The following TMEM163 variants were observed in gnomAD, a reference collection of about 807,000 sequenced individuals.
TMEM163 encodes transmembrane protein 163.
In TMEM163, 17 loss-of-function variants were observed where a neutral mutation model predicts 29.3. The ratio of observed to expected loss-of-function variants is 0.58; its 90% CI spans 0.40 to 0.87. The LOEUF is 0.87. TMEM163 is among the 40% of genes least tolerant of loss of function. The probability of loss-of-function intolerance (pLI) is 0.00; values close to 1 mark genes in which losing one functional copy is unlikely to be tolerated. For missense variants in TMEM163, 303 were observed against 381.5 expected (o/e 0.79, Z 1.71); for synonymous variants, 157 against 160.6 (o/e 0.98, Z 0.17).
chr2:134,578,994 A>G (rs1391439044), intron 2 of TMEM163, among the ~76,000 whole-genome samples: 2 of 152,148 alleles, frequency 1.3e-5, no homozygotes, highest in Non-Finnish European at 2.9e-5. Flanking sequence ...AAGGAAGTAG[A>G]TGGTTCAGTT....
At chr2:134,687,377 C>T (rs1452365633) in intron 2 of TMEM163, among the ~76,000 whole-genome samples, 1 of 152,150 alleles carries the variant, frequency 6.6e-6, no homozygotes, top group Non-Finnish European at 1.5e-5. Context: ...TTTTTGTGAT[C>T]AACTTTAGCA....
chr2:134,553,579 C>T lies in TMEM163; in HGVS notation c.323-1488G>A, dbSNP rs573533558. Among the ~76,000 whole-genome samples the T allele has an allele frequency of 1.2e-4, 19 of 152,258 alleles. No homozygotes were observed. The South Asian group carries it at 3.5e-3, about 28-fold the overall frequency. On this transcript the variant is annotated intron_variant, in intron 2 of 7. Coordinates refer to ENST00000281924, the MANE Select transcript of TMEM163 (RefSeq NM_030923.5). ...CTGGGGAGAGTGAACCACTGGTGTC[C>T]GAGCGTTTCCAGACCCTTCCTGAAA...
At chr2:134,554,571 G>T (rs1047013218) in intron 2 of TMEM163, among the ~76,000 whole-genome samples, 3 of 152,052 alleles carry the variant, frequency 2.0e-5, no homozygotes, top group Admixed American at 1.3e-4. Flanking sequence ...TGGCAGAAGA[G>T]CACCTGCCTC....
At chr2:134,594,851 G>GTCTCTC (rs70973456) in intron 2 of TMEM163, among the ~76,000 whole-genome samples, 19 of 147,956 alleles carry the variant, frequency 1.3e-4, no homozygotes, top group African/African-American at 4.0e-4. Context: ...GAGACCTTGA[G>GTCTCTC]TCTCTCTCTC....
chr2:134,553,503 T>A (rs1052811653), intron 2 of TMEM163, among the ~76,000 whole-genome samples: 1 of 152,148 alleles, frequency 6.6e-6, no homozygotes, highest in Non-Finnish European at 1.5e-5. Flanking sequence ...TCGGCCACCG[T>A]TTGCCATAAA....
chr2:134,621,650 G>C (rs771881589), intron 2 of TMEM163, among the ~76,000 whole-genome samples: 4 of 151,868 alleles, frequency 2.6e-5, no homozygotes, highest in Non-Finnish European at 5.9e-5. Flanking sequence ...CAGCACTTTG[G>C]GAGGCTGAGG....
chr2:134,518,949 CACAG>C (rs1340386356), intron 4 of TMEM163, among the ~76,000 whole-genome samples: 8 of 152,154 alleles, frequency 5.3e-5, no homozygotes, highest in Non-Finnish European at 8.8e-5. Context: ...TGGGAGATAA[CACAG>C]ACAAACTCAG....
At chr2:134,561,096 G>A (rs1424761327) in intron 2 of TMEM163, among the ~76,000 whole-genome samples, 5 of 152,236 alleles carry the variant, frequency 3.3e-5, no homozygotes, top group East Asian at 1.9e-4. Context: ...TTTATGGGCC[G>A]TCTCCGCCGT....
rs1681525422 is a variant in TMEM163 at position 134,575,199 on chromosome 2, AC to A, written c.323-23109del. Among the ~76,000 whole-genome samples, 12 of 152,182 alleles carry A rather than the reference AC, an allele frequency of 7.9e-5. No homozygotes were observed. In the South Asian group the frequency reaches 2.5e-3, roughly 32 times the overall value. On this transcript the variant is annotated intron_variant, in intron 2 of 7. Coordinates refer to ENST00000281924, the MANE Select transcript of TMEM163 (RefSeq NM_030923.5). The stretch of plus-strand genomic sequence containing the variant: ...ATCGAGAGGAAGTAAGTGACCACAA[AC>A]CACAGGTACTGAGAGCTGGGAATAA...
At chr2:134,484,877 G>A (rs553535642) in intron 5 of TMEM163, among the ~76,000 whole-genome samples, 58 of 152,334 alleles carry the variant, frequency 3.8e-4, no homozygotes, top group African/African-American at 1.3e-3. Flanking sequence ...ACTTAGAGGT[G>A]TGGAGGTTGA....
intron 4 of TMEM163, among the ~76,000 whole-genome samples, chr2:134,547,339 G>A (rs1680815269): frequency 6.6e-6 from 1 of 152,056 alleles, no homozygotes; most frequent in South Asian, 2.1e-4. Context: ...TCCACAGTAG[G>A]GATACACAGT....
chr2:134,462,507 G>A lies in TMEM163; in HGVS notation c.667+3607C>T, dbSNP rs367940350. Among the ~76,000 whole-genome samples, 60 of 152,172 alleles carry A rather than the reference G, an allele frequency of 3.9e-4. No homozygotes were observed. The South Asian group carries it at 0.011, about 28-fold the overall frequency. On this transcript the variant is annotated intron_variant, in intron 6 of 7. Coordinates refer to ENST00000281924, the MANE Select transcript of TMEM163 (RefSeq NM_030923.5). The stretch of plus-strand genomic sequence containing the variant: ...CCCCTTCCTCACTCGGACTCCCTCC[G>A]CCTGAAGGACGGCTCTTCCCCACTC...
chr2:134,691,763 CT>C (rs200048888), intron 2 of TMEM163, among the ~76,000 whole-genome samples: 1,678 of 152,328 alleles, frequency 0.011, 41 homozygotes, highest in African/African-American at 0.039. Flanking sequence ...TAAACACCAA[CT>C]CCAATGAACA....
intron 6 of TMEM163, among the ~76,000 whole-genome samples, chr2:134,465,231 TAC>T (rs1307397417): frequency 1.2e-4 from 11 of 92,276 alleles, no homozygotes; most frequent in African/African-American, 8.4e-4. Flanking sequence ...TATATATATA[TAC>T]ACACACACAT....
Position 134,687,692 on chromosome 2 carries a change from C to T in TMEM163, c.322+25508G>A, listed in dbSNP as rs189387585. Among the ~76,000 whole-genome samples the T allele has an allele frequency of 1.6e-3, 248 of 152,290 alleles. 1 individual carries two copies. Among genetic ancestry groups the T allele is most frequent in the African/African-American group, 5.8e-3 (239 of 41,560 alleles). On this transcript the variant is annotated intron_variant, in intron 2 of 7. Coordinates refer to ENST00000281924, the MANE Select transcript of TMEM163 (RefSeq NM_030923.5). ...AGGTTAATTCATTATAAATCACATACTGTGACCAGCACCCTACTTAGATAC... is the reference window on the plus strand; with the variant it reads ...AGGTTAATTCATTATAAATCACATATTGTGACCAGCACCCTACTTAGATAC...
intron 2 of TMEM163, among the ~76,000 whole-genome samples, chr2:134,611,322 A>G (rs953379890): frequency 1.4e-4 from 21 of 152,350 alleles, no homozygotes; most frequent in African/African-American, 3.8e-4. Context: ...TTAGTAAAAC[A>G]GGGAAATATA....
chr2:134,637,641 G>C (rs1011113280), intron 2 of TMEM163, among the ~76,000 whole-genome samples: 1 of 152,150 alleles, frequency 6.6e-6, no homozygotes, highest in Non-Finnish European at 1.5e-5. Context: ...AGGGGTAGGA[G>C]GTGCTCCTGA....
chr2:134,564,534 A>G (rs986268083), intron 2 of TMEM163, among the ~76,000 whole-genome samples: 2 of 152,206 alleles, frequency 1.3e-5, no homozygotes, highest in Non-Finnish European at 2.9e-5. Context: ...CGTAAACTGA[A>G]CTACATTAAA....
At chr2:134,509,992 T>C (rs1027406802) in intron 4 of TMEM163, among the ~76,000 whole-genome samples, 3 of 152,018 alleles carry the variant, frequency 2.0e-5, no homozygotes, top group African/African-American at 7.2e-5. Flanking sequence ...GAGTTCAAAA[T>C]GGAGATGCTG....
Sources: gnomAD v4.1 joint callset for allele counts (sites outside exome capture counted in the v4.1 genomes callset) on GRCh38, gnomAD v4.1.1 for gene constraint, MANE v1.5 for transcripts, NCBI Gene and HGNC (gene_info 2026-07-23, HGNC 2026-07-21) for gene names.